TBC1D21: variants seen among roughly 807,000 people sequenced by gnomAD.
TBC1D21 encodes male germ cell Rab GTPase-activating protein.
In TBC1D21, 38 loss-of-function variants were observed where a neutral mutation model predicts 46.0. The ratio of observed to expected loss-of-function variants is 0.83; its 90% CI spans 0.64 to 1.08. The LOEUF (loss-of-function observed/expected upper bound fraction) is 1.08, where lower values mean the gene tolerates loss of function less well. TBC1D21 is among the 50% of genes least tolerant of loss of function. The probability of loss-of-function intolerance (pLI) is 0.00; values close to 1 mark genes in which losing one functional copy is unlikely to be tolerated. For synonymous variants in TBC1D21, 151 were observed against 157.2 expected (o/e 0.96, Z 0.29); for missense variants, 415 against 417.9 (o/e 0.99, Z 0.06).
chr15:73,890,691 G>C (rs2068329795), downstream of TBC1D21, among the ~76,000 whole-genome samples: 2 of 151,424 alleles, frequency 1.3e-5, no homozygotes, highest in South Asian at 4.2e-4. Flanking sequence ...TTTTTGGTTG[G>C]GACCTACACA....
chr15:73,907,262 G>C, the TBC1D21 span, among the ~76,000 whole-genome samples: 1 of 152,150 alleles, frequency 6.6e-6, no homozygotes, highest in African/African-American at 2.4e-5. Flanking sequence ...CAAACTGTCT[G>C]TCAACATGAA....
chr15:73,898,875 A>AT, the TBC1D21 span, among the ~76,000 whole-genome samples: 13 of 115,420 alleles, frequency 1.1e-4, no homozygotes, highest in African/African-American at 4.7e-4. Flanking sequence ...AAAAAAAAAA[A>AT]AAAAAATATA....
In TBC1D21 at chr15:73,888,509, A is replaced by C. The variant is rs1331658196; in HGVS notation, c.974A>C (p.Lys325Thr). 2 of 1,613,794 alleles carry C rather than the reference A, an allele frequency of 1.2e-6. No homozygotes were observed. Among genetic ancestry groups the C allele is most frequent in the South Asian group, 1.1e-5 (1 of 91,044 alleles). The change falls in exon 10 of 11, where the codon AAG (lysine) becomes ACG (threonine). Residue 325 changes from lysine to threonine, a missense_variant. Physicochemically the swap from Lys to Thr is moderately conservative, Grantham distance 78. Transcript: ENST00000300504. ...ACVVYAELIQKDVPQTLKDFF... is the reference protein window; with the variant it reads ...ACVVYAELIQTDVPQTLKDFF... The stretch of plus-strand genomic sequence containing the variant: ...GTGGTTTATGCTGAGCTCATCCAGA[A>C]GGATGTAAGTTGCCCCAATGATGTG...
the TBC1D21 span, among the ~76,000 whole-genome samples, chr15:73,902,758 T>C: frequency 6.6e-6 from 1 of 152,158 alleles, no homozygotes; most frequent in Admixed American, 6.5e-5. Context: ...ATCAAATAAA[T>C]GCTTGTAGAA....
At chr15:73,884,565 G>A (rs1201865066) in intron 4 of TBC1D21, among the ~76,000 whole-genome samples, 2 of 152,208 alleles carry the variant, frequency 1.3e-5, no homozygotes, top group African/African-American at 4.8e-5. Flanking sequence ...CCTGGCCGAG[G>A]GTACGGCCTC....
intron 2 of TBC1D21, 60 bp from the exon 3 acceptor site, chr15:73,881,584 G>A: frequency 6.2e-7 from 1 of 1,602,732 alleles, no homozygotes. Flanking sequence ...GGCGTTGGAT[G>A]AAGCCCTTTT....
chr15:73,889,225 T>TA, downstream of TBC1D21: 1 of 1,183,820 alleles, frequency 8.4e-7, no homozygotes, highest in Non-Finnish European at 1.2e-6. Flanking sequence ...TGGTTTGTGG[T>TA]GGATGCTATG....
chr15:73,885,804 C>T (rs1267603513), intron 6 of TBC1D21, among the ~76,000 whole-genome samples: 1 of 121,558 alleles, frequency 8.2e-6, no homozygotes, highest in Non-Finnish European at 1.8e-5. Flanking sequence ...AGAATCTCTA[C>T]TACACACACA....
Position 73,873,599 on chromosome 15 carries a change from C to A in TBC1D21, c.-111C>A. The A allele has an allele frequency of 8.3e-7, 1 of 1,201,616 alleles. No individual in the cohort carries two copies. The highest frequency in any genetic ancestry group is 1.4e-5 in the South Asian group (1 of 71,680). The allele number at this position is 1,201,616 out of a possible 1,614,324, so 74.4% of individuals were successfully genotyped here. A position where few individuals can be genotyped will look rare whatever the true frequency, so the allele number is the denominator to read the frequency against. ...CCGGCTCTGTTCAAGTGTGGGAGGT[C>A]AGGAGCAGCCAGTTCCTCCTGGGAA... On this transcript the variant is annotated 5_prime_UTR_variant, in exon 1 of 11. Transcript: ENST00000300504.
At chr15:73,899,412 G>T in the TBC1D21 span, among the ~76,000 whole-genome samples, 1 of 152,188 alleles carries the variant, frequency 6.6e-6, no homozygotes, top group African/African-American at 2.4e-5. Flanking sequence ...GTCATTCAAG[G>T]CCCCAGGCTG....
the TBC1D21 span, among the ~76,000 whole-genome samples, chr15:73,904,009 C>T: frequency 2.0e-5 from 3 of 152,208 alleles, no homozygotes; most frequent in Non-Finnish European, 4.4e-5. Flanking sequence ...GATCACGCCA[C>T]TGCACTCCAG....
the TBC1D21 span, among the ~76,000 whole-genome samples, chr15:73,898,880 A>AAAATATATATATATATAT: frequency 6.7e-4 from 38 of 56,770 alleles, no homozygotes; most frequent in African/African-American, 1.8e-3. Context: ...AAAAAAAAAA[A>AAAATATATATATATATAT]ATATATATAT....
downstream of TBC1D21, among the ~76,000 whole-genome samples, chr15:73,889,970 G>A (rs2068323012): frequency 6.6e-6 from 1 of 152,212 alleles, no homozygotes; most frequent in Admixed American, 6.5e-5. Context: ...GTTGGGGCTG[G>A]CTGGGTGCCC....
the TBC1D21 span, among the ~76,000 whole-genome samples, chr15:73,897,918 C>G: frequency 6.7e-6 from 1 of 149,836 alleles, no homozygotes; most frequent in Non-Finnish European, 1.5e-5. Context: ...CAGTGGGACC[C>G]ACGCGCCGCC....
the TBC1D21 span, chr15:73,909,938 T>A: frequency 6.6e-6 from 1 of 151,776 alleles, no homozygotes; most frequent in Admixed American, 6.6e-5. Context: ...CCCACCCACA[T>A]CCCCGCCCCT....
chr15:73,888,288 G>A (rs930591777), intron 9 of TBC1D21, 142 bp from the exon 10 acceptor site: 3 of 659,594 alleles, frequency 4.5e-6, no homozygotes, highest in Admixed American at 4.9e-5. Flanking sequence ...CAAGCAGGCT[G>A]GGGAGAGGTC....
At chr15:73,879,840 G>A (rs942993233) in intron 1 of TBC1D21, among the ~76,000 whole-genome samples, 1 of 151,976 alleles carries the variant, frequency 6.6e-6, no homozygotes, top group African/African-American at 2.4e-5. Context: ...AGGAAGAAAG[G>A]AATCTTCTCT....
intron 1 of TBC1D21, among the ~76,000 whole-genome samples, chr15:73,879,174 T>A (rs2068111548): frequency 6.6e-6 from 1 of 152,196 alleles, no homozygotes; most frequent in Non-Finnish European, 1.5e-5. Flanking sequence ...AGGCTCTTAT[T>A]TTTAGTTAAC....
the TBC1D21 span, among the ~76,000 whole-genome samples, chr15:73,905,143 G>A: frequency 1.1e-4 from 17 of 152,158 alleles, no homozygotes; most frequent in Non-Finnish European, 2.4e-4. Flanking sequence ...GGCCTCCCAC[G>A]CCCTCTAGCC....
Sources: allele counts gnomAD v4.1 joint callset (sites outside exome capture counted in the v4.1 genomes callset), GRCh38; gene constraint gnomAD v4.1.1; transcripts MANE v1.5; gene names NCBI Gene and HGNC (gene_info 2026-07-23, HGNC 2026-07-21).